The following MT4 variants were observed in gnomAD, a reference collection of about 807,000 sequenced individuals.
MT4 encodes the protein metallothionein 4.
MT4 carries 11 observed loss-of-function variants against 9.5 expected under a neutral mutation model. The observed-to-expected ratio is 1.16, with a 90% CI of 0.73 to 1.92. The LOEUF (loss-of-function observed/expected upper bound fraction) is 1.92. Ranked by LOEUF, MT4 falls within the 30% of genes most tolerant of loss-of-function variation. The pLI, the probability that MT4 is intolerant of heterozygous loss-of-function variation, is 0.00. For missense variants in MT4, 88 were observed against 78.7 expected (o/e 1.12, Z -0.45); for synonymous variants, 29 against 24.6 (o/e 1.18, Z -0.53).
At chr16:56,566,004 C>T (rs1056945738) in intron 1 of MT4, among the ~76,000 whole-genome samples, 7 of 151,364 alleles carry the variant, frequency 4.6e-5, no homozygotes, top group Admixed American at 4.6e-4. Context: ...TTCGAGGCTG[C>T]AGCAAACTAG....
intron 2 of MT4, among the ~76,000 whole-genome samples, chr16:56,568,245 A>AGAGAGAGAG (rs1567330570): frequency 3.1e-5 from 1 of 32,378 alleles, no homozygotes; most frequent in East Asian, 7.5e-4. Context: ...GAAAGAAAGA[A>AGAGAGAGAG]AGAAAGAAAG....
At position 56,568,935 on chromosome 16, in the gene MT4, G is replaced by C. The variant is rs756664882; in HGVS notation, c.*3G>C. ...ACAAGTGCAGCTGCTGCCCATGAAAGCCATCCATCGTGCCCACCCCTTCCA... is the reference window on the plus strand; with the variant it reads ...ACAAGTGCAGCTGCTGCCCATGAAACCCATCCATCGTGCCCACCCCTTCCA... On this transcript the variant is annotated 3_prime_UTR_variant, in exon 3 of 3. Coordinates refer to ENST00000219162, the MANE Select transcript of MT4 (RefSeq NM_032935.3). The C allele has an allele frequency of 1.9e-6, 3 of 1,597,602 alleles. No individual in the cohort carries two copies. Among genetic ancestry groups the C allele is most frequent in the Non-Finnish European group, 2.6e-6 (3 of 1,171,308 alleles).
chr16:56,565,447 G>A (rs1377369554), intron 1 of MT4, among the ~76,000 whole-genome samples: 2 of 152,208 alleles, frequency 1.3e-5, no homozygotes, highest in Non-Finnish European at 2.9e-5. Flanking sequence ...ACCAGGGTGA[G>A]GAGAAGAGCT....
At chr16:56,567,177 C>T (rs1004784786) in intron 1 of MT4, among the ~76,000 whole-genome samples, 28 of 151,862 alleles carry the variant, frequency 1.8e-4, no homozygotes, top group Middle Eastern at 3.4e-3. Flanking sequence ...GTGTGTGCCA[C>T]CACGCCTGGC....
chr16:56,568,324 A>T (rs574034552), intron 2 of MT4, among the ~76,000 whole-genome samples: 2 of 150,518 alleles, frequency 1.3e-5, no homozygotes, highest in South Asian at 4.2e-4. Context: ...AAAGAAAGAA[A>T]GAAAGAAAGA....
chr16:56,568,283 AAG>A (rs1959577304), intron 2 of MT4, among the ~76,000 whole-genome samples: 2 of 121,570 alleles, frequency 1.6e-5, no homozygotes, highest in Admixed American at 1.6e-4. Flanking sequence ...GAAAGAAAGA[AAG>A]AAAGAAAGAA....
intron 2 of MT4, among the ~76,000 whole-genome samples, chr16:56,568,271 G>GAGAGAGAGAGAGAAAGAAAGAA (rs1567330643): frequency 1.7e-5 from 1 of 58,648 alleles, no homozygotes; most frequent in Non-Finnish European, 3.7e-5. Flanking sequence ...GAGAGAGAGA[G>GAGAGAGAGAGAGAAAGAAAGAA]AGAAAGAAAG....
chr16:56,568,699 C>T lies in MT4; in HGVS notation c.98-142C>T, dbSNP rs1875224. 4.6e-3 allele frequency: 2,666 copies of T among 578,828 alleles called. 47 individuals are homozygous for T. Among genetic ancestry groups the T allele is most frequent in the African/African-American group, 0.044 (2,344 of 53,156 alleles). 35.9% of individuals were successfully genotyped at this position (578,828 alleles called of 1,614,324 possible). On this transcript the variant is annotated intron_variant, in intron 2 of 2. Coordinates refer to ENST00000219162, the MANE Select transcript of MT4 (RefSeq NM_032935.3). ...TCCAGTTCTAACATGCCTCAACCTC[C>T]TATCTCAGCATTTTTGCTAATGTGG...
rs779290016 is a variant in MT4 at position 56,567,841 on chromosome 16, A to G, written c.97+25A>G. The stretch of plus-strand genomic sequence containing the variant: ...AGTGAGTATGGTGACTGGGGGCACC[A>G]TGGGCTGGGAGTTAGAAAAGTCCAA... On this transcript the variant is annotated intron_variant, in intron 2 of 2. Transcript: ENST00000219162. The G allele has an allele frequency of 3.1e-6, 5 of 1,599,994 alleles. No individual in the cohort carries two copies. In the East Asian group the frequency reaches 1.1e-4, roughly 36 times the overall value.
chr16:56,567,869 CA>C, intron 2 of MT4, 53 bp downstream of exon 2: 1 of 1,501,556 alleles, frequency 6.7e-7, no homozygotes, highest in Non-Finnish European at 9.3e-7. Context: ...AAGTCCAATC[CA>C]GGCCAGGTGC....
At chr16:56,568,262 AGAGAG>A (rs1959573974) in intron 2 of MT4, among the ~76,000 whole-genome samples, 121 of 88,434 alleles carry the variant, frequency 1.4e-3, no homozygotes, top group Middle Eastern at 4.7e-3. Flanking sequence ...AAAGAAAGAG[AGAGAG>A]AGAGAGAAAG....
At position 56,568,850 on chromosome 16, in the gene MT4, C is replaced by T. The variant is rs368149861; in HGVS notation, c.107C>T (p.Pro36Leu). ...CTCCTGACTCTTTCAGGCTGCTGTC[C>T]CTGCTGCCCCCCGGGCTGTGCCAAA... ...NCKTYWKSCC[P>L]CCPPGCAKCA... is the part of the protein sequence containing the mutation. The change falls in exon 3 of 3, where the codon CCC (proline) becomes CTC (leucine). Residue 36 changes from proline (P) to leucine (L), a missense_variant. Transcript: ENST00000219162. 19 of 1,603,328 alleles carry T rather than the reference C, an allele frequency of 1.2e-5. No homozygotes were observed. Among genetic ancestry groups the T allele is most frequent in the Non-Finnish European group, 1.4e-5 (17 of 1,174,570 alleles).
In MT4 at chr16:56,568,956, T is replaced by C; in HGVS notation, c.*24T>C. ...GAAAGCCATCCATCGTGCCCACCCC[T>C]TCCAAGGAGAGAAACCTGGGAAGTG... is the stretch of plus-strand genomic sequence containing the variant. On this transcript the variant is annotated 3_prime_UTR_variant, in exon 3 of 3. Coordinates refer to ENST00000219162, the MANE Select transcript of MT4 (RefSeq NM_032935.3). The C allele has an allele frequency of 3.2e-6, 5 of 1,558,676 alleles. No homozygotes were observed. The highest frequency in any genetic ancestry group is 4.4e-6 in the Non-Finnish European group (5 of 1,147,852).
Position 56,565,102 on chromosome 16 carries a change from C to G in MT4, c.-27C>G, listed in dbSNP as rs1392331907. 1 of 1,613,004 alleles carries G rather than the reference C, an allele frequency of 6.2e-7. No individual in the cohort carries two copies. Among genetic ancestry groups the G allele is most frequent in the Non-Finnish European group, 8.5e-7 (1 of 1,179,502 alleles). ...AGCCTCCCTTCCCCAGCCGTGACAG[C>G]ACTGGAGCCTTTCGGACACCTGGAC... On this transcript the variant is annotated 5_prime_UTR_variant, in exon 1 of 3. Transcript: ENST00000219162.
At chr16:56,566,586 AAG>A (rs1190731831) in intron 1 of MT4, among the ~76,000 whole-genome samples, 7 of 145,852 alleles carry the variant, frequency 4.8e-5, no homozygotes, top group Admixed American at 7.0e-5. Context: ...GGGAGAAAGG[AAG>A]AGAGAGAGAG....
Position 56,568,278 on chromosome 16 carries a change from A to AAAG in MT4, c.97+465_97+467dup, listed in dbSNP as rs1491555149. 1.5e-3 allele frequency among the ~76,000 whole-genome samples: 178 copies of AAAG among 122,698 alleles called. 4 individuals carry two copies. Among genetic ancestry groups the AAAG allele is most frequent in the Middle Eastern group, 7.8e-3 (2 of 256 alleles). The allele number at this position is 122,698 out of a possible 152,430, so 80.5% of individuals were successfully genotyped here. ...AAGAAAGAGAGAGAGAGAGAGAAAG[A>AAAG]AAGAAAGAAAGAAAGAAAGAAAGAA... On this transcript the variant is annotated intron_variant, in intron 2 of 2. Transcript: ENST00000219162.
rs75371895 is a variant in MT4, at chr16:56,568,854, C to A, written c.111C>A (p.Cys37Ter). 2.5e-4 allele frequency: 404 copies of A among 1,605,152 alleles called. 4 individuals carry two copies. In the South Asian group the frequency reaches 4.2e-3, roughly 17 times the overall value. Reference sequence around the variant, plus strand: ...TGACTCTTTCAGGCTGCTGTCCCTGCTGCCCCCCGGGCTGTGCCAAATGTG... The same window carrying A: ...TGACTCTTTCAGGCTGCTGTCCCTGATGCCCCCCGGGCTGTGCCAAATGTG... ...CKTYWKSCCP[C>*]CPPGCAKCAR... The change falls in exon 3 of 3, where the codon TGC becomes TGA. Residue 37 changes from cysteine (C) to a stop codon, truncating the protein, a stop_gained. Transcript: ENST00000219162. LOFTEE classifies it high-confidence loss of function.
At chr16:56,568,273 G>A (rs369329823) in intron 2 of MT4, among the ~76,000 whole-genome samples, 2 of 99,058 alleles carry the variant, frequency 2.0e-5, no homozygotes, top group Admixed American at 9.8e-5. Flanking sequence ...GAGAGAGAGA[G>A]AAAGAAAGAA....
At chr16:56,568,353 T>G (rs941888913) in intron 2 of MT4, among the ~76,000 whole-genome samples, 1 of 151,096 alleles carries the variant, frequency 6.6e-6, no homozygotes, top group African/African-American at 2.4e-5. Context: ...ATCCCCACCC[T>G]CAATCCTCCA....
Sources: allele counts gnomAD v4.1 joint callset (sites outside exome capture counted in the v4.1 genomes callset), GRCh38; gene constraint gnomAD v4.1.1; transcripts MANE v1.5; gene names NCBI Gene and HGNC (gene_info 2026-07-23, HGNC 2026-07-21).